The following MYO16 variants were observed in gnomAD, a reference collection of about 807,000 sequenced individuals.
The protein encoded by MYO16 is unconventional myosin-XVI.
Under a neutral mutation model 205.3 loss-of-function variants are expected in MYO16, and 94 were observed. The observed-to-expected ratio is 0.46, with a 90% CI of 0.39 to 0.54. The LOEUF is 0.54. Ranked by LOEUF, MYO16 falls within the 20% of genes least tolerant of loss-of-function variation. The pLI, the probability that MYO16 is intolerant of heterozygous loss-of-function variation, is 0.00. For missense variants in MYO16, 2,315 were observed against 2,387.5 expected (o/e 0.97, Z 0.63); for synonymous variants, 988 against 954.0 (o/e 1.04, Z -0.66).
chr13:108,972,190 A>G (rs1884042490), intron 20 of MYO16, among the ~76,000 whole-genome samples: 1 of 104,846 alleles, frequency 9.5e-6, no homozygotes, highest in Non-Finnish European at 1.9e-5. Flanking sequence ...AGCCTGGATG[A>G]CAGACTGAGA....
At chr13:109,175,661 G>T (rs1264760736) in intron 33 of MYO16, among the ~76,000 whole-genome samples, 2 of 152,140 alleles carry the variant, frequency 1.3e-5, no homozygotes, top group Admixed American at 1.3e-4. Flanking sequence ...TCTCTAAGCT[G>T]GGAATTGTTA....
chr13:108,630,272 T>G (rs1879919280), intron 1 of MYO16, among the ~76,000 whole-genome samples: 1 of 152,224 alleles, frequency 6.6e-6, no homozygotes, highest in African/African-American at 2.4e-5. Flanking sequence ...TAGCTAGTAT[T>G]TTAGTCTCAA....
At chr13:108,773,338 A>T (rs907855338) in intron 4 of MYO16, among the ~76,000 whole-genome samples, 12 of 152,208 alleles carry the variant, frequency 7.9e-5, no homozygotes, top group African/African-American at 2.7e-4. Flanking sequence ...CACAAACTAG[A>T]TGGCTTCAAA....
intron 4 of MYO16, among the ~76,000 whole-genome samples, chr13:108,736,588 C>G (rs1164211565): frequency 6.6e-6 from 1 of 152,132 alleles, no homozygotes; most frequent in African/African-American, 2.4e-5. Context: ...ATGCCTCCAG[C>G]TTTGTTCTTT....
chr13:109,022,726 T>C lies in MYO16; in HGVS notation c.2796+2815T>C, dbSNP rs1416240261. On this transcript the variant is annotated intron_variant, in intron 23 of 34. Coordinates refer to ENST00000457511, the MANE Select transcript of MYO16 (RefSeq NM_001198950.3). ...TATATTATATATACGCATATAAACA[T>C]ATGTATATATTATATATATGCATAT... is the stretch of plus-strand genomic sequence containing the variant. 2.4e-4 allele frequency among the ~76,000 whole-genome samples: 14 copies of C among 59,266 alleles called. No individual in the cohort carries two copies. The East Asian group carries it at 2.7e-3, about 12-fold the overall frequency. 38.9% of individuals were successfully genotyped at this position (59,266 alleles called of 152,430 possible).
chr13:108,527,383 G>C, the MYO16 span, among the ~76,000 whole-genome samples: 1 of 152,008 alleles, frequency 6.6e-6, no homozygotes, highest in African/African-American at 2.4e-5. Flanking sequence ...TTTTTAATAA[G>C]ATGTAATGGT....
chr13:108,538,913 A>G, the MYO16 span, among the ~76,000 whole-genome samples: 1 of 152,078 alleles, frequency 6.6e-6, no homozygotes, highest in Non-Finnish European at 1.5e-5. Context: ...GTTTGAAAAG[A>G]AGCAATGGAA....
At position 109,009,011 on chromosome 13, in the gene MYO16, C is replaced by G. The variant is rs3825491; in HGVS notation, c.2557C>G (p.Pro853Ala). The G allele has an allele frequency of 0.39, 627,773 of 1,598,464 alleles. 126,969 individuals are homozygous for G. The highest frequency in any genetic ancestry group is 0.64 in the East Asian group (28,377 of 44,612). The change falls in exon 22 of 35, where the codon CCT becomes GCT. Residue 853 changes from proline to alanine, a missense_variant. Transcript: ENST00000457511. ...EGVTMETAYS[P>A]GNQNGVLDFF... ...AGTTACCATGGAAACAGCATATTCTCCTGGTAACCAGAATGGAGTTTTGGA... is the reference window on the plus strand; with the variant it reads ...AGTTACCATGGAAACAGCATATTCTGCTGGTAACCAGAATGGAGTTTTGGA...
chr13:109,145,985 G>A (rs1051333197), intron 32 of MYO16, among the ~76,000 whole-genome samples: 1 of 152,204 alleles, frequency 6.6e-6, no homozygotes, highest in Non-Finnish European at 1.5e-5. Context: ...CTGATACAGT[G>A]CATCCTTAGC....
At chr13:108,585,505 C>T in the MYO16 span, among the ~76,000 whole-genome samples, 1 of 152,186 alleles carries the variant, frequency 6.6e-6, no homozygotes, top group African/African-American at 2.4e-5. Flanking sequence ...TAAATTGTTT[C>T]TTATCAGACT....
chr13:108,583,617 G>A, the MYO16 span, among the ~76,000 whole-genome samples: 1 of 152,028 alleles, frequency 6.6e-6, no homozygotes, highest in Non-Finnish European at 1.5e-5. Flanking sequence ...CATTTATATG[G>A]GTAATTCTGG....
chr13:108,714,758 A>G (rs903149742), intron 3 of MYO16, among the ~76,000 whole-genome samples: 4 of 152,280 alleles, frequency 2.6e-5, no homozygotes, highest in Admixed American at 2.0e-4. Flanking sequence ...ATATTTTTCT[A>G]TATATAGATG....
At chr13:108,888,322 T>C in intron 13 of MYO16, 50 bp from the exon 14 acceptor site, 1 of 1,351,594 alleles carries the variant, frequency 7.4e-7, no homozygotes, top group Middle Eastern at 1.9e-4. Context: ...GGAACAAGCT[T>C]TGAAGCAAAG....
At chr13:108,794,680 T>A (rs1886729799) in intron 6 of MYO16, among the ~76,000 whole-genome samples, 1 of 152,160 alleles carries the variant, frequency 6.6e-6, no homozygotes, top group South Asian at 2.1e-4. Context: ...AATAAGAACA[T>A]TTTGCCCTAC....
chr13:108,858,247 T>C (rs951088023), intron 11 of MYO16, among the ~76,000 whole-genome samples: 1 of 152,232 alleles, frequency 6.6e-6, no homozygotes, highest in Admixed American at 6.5e-5. Context: ...ACTTCGTATG[T>C]CTTTTAATCA....
chr13:108,940,715 C>T (rs1882688733), intron 16 of MYO16, among the ~76,000 whole-genome samples: 1 of 152,172 alleles, frequency 6.6e-6, no homozygotes, highest in Admixed American at 6.5e-5. Flanking sequence ...TCTTTAATCA[C>T]AGAAGAGTTA....
chr13:108,534,769 CCTTCTTCTTCCTCCTTCTTTCTT>C, the MYO16 span, among the ~76,000 whole-genome samples: 1 of 151,194 alleles, frequency 6.6e-6, no homozygotes, highest in African/African-American at 2.4e-5. Flanking sequence ...TCCTCTTCTT[CCTTCTTCTTCCTCCTTCTTTCTT>C]CTTCTTCTTC....
At chr13:108,727,315 A>T (rs1884372789) in intron 3 of MYO16, 125 bp from the exon 4 acceptor site, 3 of 902,200 alleles carry the variant, frequency 3.3e-6, no homozygotes, top group Non-Finnish European at 4.9e-6. Context: ...ATCTTTTCCC[A>T]GGTTAGCTTC....
chr13:108,636,360 TTTTTTTTTTTGTG>T (rs1241345558), intron 1 of MYO16, among the ~76,000 whole-genome samples: 1 of 84,390 alleles, frequency 1.2e-5, no homozygotes, highest in Non-Finnish European at 2.4e-5. Context: ...TTTTTTTTTT[TTTTTTTTTTTGTG>T]TGTGTGTGTG....
Sources: gnomAD v4.1 joint callset for allele counts (sites outside exome capture counted in the v4.1 genomes callset) on GRCh38, gnomAD v4.1.1 for gene constraint, MANE v1.5 for transcripts, NCBI Gene and HGNC (gene_info 2026-07-23, HGNC 2026-07-21) for gene names.